The following CSMD1 variants were observed in gnomAD, a reference collection of about 807,000 sequenced individuals.
The protein encoded by CSMD1 is CUB and Sushi multiple domains 1.
CSMD1 carries 213 observed loss-of-function variants against 417.5 expected under a neutral mutation model. That is an observed-to-expected ratio of 0.51 (90% CI 0.46 to 0.57). The LOEUF (loss-of-function observed/expected upper bound fraction) is 0.57, where lower values mean the gene tolerates loss of function less well. Ranked by LOEUF, CSMD1 falls within the 20% of genes least tolerant of loss-of-function variation. CSMD1 has a pLI of 0.00. For missense variants in CSMD1, 6,923 were observed against 4,529.7 expected, an observed-to-expected ratio of 1.53 and a Z score of -15.17; for synonymous variants, 2,862 against 1,736.8, an observed-to-expected ratio of 1.65 and a Z score of -16.11.
intron 1 of CSMD1, among the ~76,000 whole-genome samples, chr8:4,874,238 G>T (rs553820285): frequency 6.6e-6 from 1 of 151,926 alleles, no homozygotes; most frequent in African/African-American, 2.4e-5. Flanking sequence ...AATTGGCCGT[G>T]GTTTTCATCA....
intron 3 of CSMD1, among the ~76,000 whole-genome samples, chr8:4,143,081 G>T (rs1424264920): frequency 6.6e-6 from 1 of 150,480 alleles, no homozygotes; most frequent in Non-Finnish European, 1.5e-5. Context: ...CAAGTTTAGT[G>T]ACATGATATC....
In CSMD1 at chr8:3,660,535, T is replaced by C; in HGVS notation, c.1010-43738A>G. On this transcript the variant is annotated intron_variant, in intron 7 of 69. Transcript: ENST00000635120. ...TTTTTTTTTTTTTTTTTTTTTTTTT[T>C]TTTGAAAAAAAACAAGGCCCTGCAG... Among the ~76,000 whole-genome samples the C allele has an allele frequency of 7.3e-5, 2 of 27,370 alleles. 1 individual carries two copies. Among genetic ancestry groups the C allele is most frequent in the Non-Finnish European group, 1.4e-4 (2 of 14,142 alleles). The allele number at this position is 27,370 out of a possible 152,430, so 18.0% of individuals were successfully genotyped here. A position where few individuals can be genotyped will look rare whatever the true frequency, so the allele number is the denominator to read the frequency against.
intron 3 of CSMD1, among the ~76,000 whole-genome samples, chr8:4,059,703 T>C (rs1232639984): frequency 6.6e-6 from 1 of 152,146 alleles, no homozygotes; most frequent in African/African-American, 2.4e-5. Context: ...AAGAAATGGA[T>C]AATTTCCTCG....
intron 1 of CSMD1, among the ~76,000 whole-genome samples, chr8:4,793,081 T>C (rs965310081): frequency 1.3e-5 from 2 of 152,018 alleles, no homozygotes; most frequent in Admixed American, 1.3e-4. Context: ...AAATATAATA[T>C]AGCACTGTCA....
At chr8:4,059,289 A>C (rs988377020) in intron 3 of CSMD1, among the ~76,000 whole-genome samples, 3 of 151,262 alleles carry the variant, frequency 2.0e-5, no homozygotes, top group Admixed American at 2.0e-4. Context: ...ACACATTCAA[A>C]ACACTGTGTA....
chr8:4,850,022 C>T (rs1801374581), intron 1 of CSMD1, among the ~76,000 whole-genome samples: 1 of 152,196 alleles, frequency 6.6e-6, no homozygotes, highest in Admixed American at 6.5e-5. Flanking sequence ...AATTTCTCCA[C>T]ATCTGTGTTA....
chr8:3,636,538 C>A (rs934162063), intron 7 of CSMD1, among the ~76,000 whole-genome samples: 1 of 152,180 alleles, frequency 6.6e-6, no homozygotes, highest in African/African-American at 2.4e-5. Context: ...CTTAACCTAC[C>A]ATCTGTTCCT....
intron 47 of CSMD1, among the ~76,000 whole-genome samples, chr8:3,095,696 A>G (rs1815248367): frequency 6.6e-6 from 1 of 152,210 alleles, no homozygotes; most frequent in South Asian, 2.1e-4. Context: ...GAACTCAATG[A>G]CAAATCTTTC....
At chr8:3,191,345 G>A (rs767569864) in intron 33 of CSMD1, among the ~76,000 whole-genome samples, 1 of 152,068 alleles carries the variant, frequency 6.6e-6, no homozygotes, top group Non-Finnish European at 1.5e-5. Flanking sequence ...AATCCCAGCT[G>A]CTCGGGAGTC....
At chr8:3,474,634 C>G (rs1220257636) in intron 11 of CSMD1, among the ~76,000 whole-genome samples, 1 of 152,118 alleles carries the variant, frequency 6.6e-6, no homozygotes, top group African/African-American at 2.4e-5. Context: ...AGGAACTTAA[C>G]TCTTGTTTAT....
At chr8:3,495,641 G>A (rs775813510) in intron 10 of CSMD1, among the ~76,000 whole-genome samples, 1 of 152,118 alleles carries the variant, frequency 6.6e-6, no homozygotes, top group Non-Finnish European at 1.5e-5. Context: ...TTGTCATATG[G>A]CATTTTACAA....
At chr8:4,711,890 C>A (rs373873806) in intron 1 of CSMD1, among the ~76,000 whole-genome samples, 2 of 152,216 alleles carry the variant, frequency 1.3e-5, no homozygotes, top group Middle Eastern at 6.8e-3. Flanking sequence ...ACAAATAATA[C>A]CAGCTGGATT....
In CSMD1 at chr8:4,038,549, G is replaced by C. The variant is rs1442690519; in HGVS notation, c.416-6450C>G. The stretch of plus-strand genomic sequence containing the variant: ...ATTTTAACTGAATTTTAACCAGTTT[G>C]CCTGAAGATTATGCATGTCTCTTTG... On this transcript the variant is annotated intron_variant, in intron 3 of 69. Coordinates refer to ENST00000635120, the MANE Select transcript of CSMD1 (RefSeq NM_033225.6). Among the ~76,000 whole-genome samples, 7 of 152,136 alleles carry C rather than the reference G, an allele frequency of 4.6e-5. No homozygotes were observed. The East Asian group carries it at 1.2e-3, about 25-fold the overall frequency.
At chr8:4,196,266 CTT>C (rs1318545247) in intron 3 of CSMD1, among the ~76,000 whole-genome samples, 3 of 152,158 alleles carry the variant, frequency 2.0e-5, no homozygotes, top group Admixed American at 6.5e-5. Context: ...TCAAGCCACT[CTT>C]TTGTGGTCAT....
intron 3 of CSMD1, among the ~76,000 whole-genome samples, chr8:4,392,484 G>A (rs1425875144): frequency 6.6e-6 from 1 of 152,048 alleles, no homozygotes; most frequent in Non-Finnish European, 1.5e-5. Flanking sequence ...AAACACTCCT[G>A]AGCCAAAGAA....
At chr8:4,343,598 T>C (rs555976540) in intron 3 of CSMD1, among the ~76,000 whole-genome samples, 2 of 152,248 alleles carry the variant, frequency 1.3e-5, no homozygotes, top group East Asian at 1.9e-4. Context: ...TTTTATCTAA[T>C]AGAAACTAAC....
chr8:4,463,955 G>A (rs1217663), intron 2 of CSMD1, among the ~76,000 whole-genome samples: 33 of 151,986 alleles, frequency 2.2e-4, no homozygotes, highest in African/African-American at 4.8e-4. Flanking sequence ...AGAACAGAGC[G>A]CAATATGGGA....
At chr8:3,873,509 C>T (rs1805620404) in intron 5 of CSMD1, among the ~76,000 whole-genome samples, 1 of 151,988 alleles carries the variant, frequency 6.6e-6, no homozygotes, top group South Asian at 2.1e-4. Context: ...ATAATAAGAA[C>T]ACAGGGACAC....
chr8:3,311,184 C>T (rs1299235235), intron 23 of CSMD1, among the ~76,000 whole-genome samples: 1 of 152,200 alleles, frequency 6.6e-6, no homozygotes, highest in Non-Finnish European at 1.5e-5. Flanking sequence ...GGAAAATCAT[C>T]TAGCACAAAG....
Sources: gnomAD v4.1 joint callset for allele counts (sites outside exome capture counted in the v4.1 genomes callset) on GRCh38, gnomAD v4.1.1 for gene constraint, MANE v1.5 for transcripts, NCBI Gene and HGNC (gene_info 2026-07-23, HGNC 2026-07-21) for gene names.